Variants in FHOD3 observed in about 807,000 individuals in gnomAD.
FHOD3 encodes formin homology 2 domain containing 3.
A neutral mutation model predicts 173.0 loss-of-function variants in FHOD3; 90 were observed. The ratio of observed to expected loss-of-function variants is 0.52; its 90% CI spans 0.44 to 0.62. The LOEUF is 0.62. FHOD3 is among the 20% of genes least tolerant of loss of function. The probability of loss-of-function intolerance (pLI) is 0.00; values close to 1 mark genes in which losing one functional copy is unlikely to be tolerated. For synonymous variants in FHOD3, 828 were observed against 823.0 expected, an observed-to-expected ratio of 1.01 and a Z score of -0.10; for missense variants, 1,945 against 2,034.7, an observed-to-expected ratio of 0.96 and a Z score of 0.85.
chr18:36,752,786 T>A (rs1159550391), intron 24 of FHOD3, among the ~76,000 whole-genome samples: 1 of 152,222 alleles, frequency 6.6e-6, no homozygotes, highest in Non-Finnish European at 1.5e-5. Context: ...ATAAAGAATC[T>A]TGGGTTGTAC....
chr18:36,392,160 A>G (rs754220887), intron 3 of FHOD3, among the ~76,000 whole-genome samples: 31 of 152,002 alleles, frequency 2.0e-4, no homozygotes, highest in South Asian at 4.2e-4. Context: ...CCATTTTCTT[A>G]CCTGTAAAAT....
chr18:36,628,060 T>G (rs1317434751), intron 10 of FHOD3, among the ~76,000 whole-genome samples: 1 of 152,172 alleles, frequency 6.6e-6, no homozygotes, highest in Non-Finnish European at 1.5e-5. Flanking sequence ...ATGCCAACTT[T>G]TGTAAAGAAG....
chr18:36,657,898 A>C (rs2036526661), intron 13 of FHOD3, among the ~76,000 whole-genome samples, 177 bp from the exon 14 acceptor site: 1 of 152,212 alleles, frequency 6.6e-6, no homozygotes, highest in African/African-American at 2.4e-5. Context: ...CTCTTATGAG[A>C]AATTATCAGA....
chr18:36,399,922 C>T (rs952715781), intron 3 of FHOD3, among the ~76,000 whole-genome samples: 2 of 152,156 alleles, frequency 1.3e-5, no homozygotes, highest in Non-Finnish European at 2.9e-5. Flanking sequence ...CCTGAGGGTT[C>T]AGGCAGAATT....
At chr18:36,399,726 A>G (rs1382656390) in intron 3 of FHOD3, among the ~76,000 whole-genome samples, 1 of 152,200 alleles carries the variant, frequency 6.6e-6, no homozygotes, top group Non-Finnish European at 1.5e-5. Context: ...CTGCTGCAGA[A>G]GGCTCATTTG....
rs1248111263 is a variant in FHOD3, at chr18:36,379,622, G to C, written c.337+6878G>C. Among the ~76,000 whole-genome samples the C allele has an allele frequency of 2.0e-5, 3 of 152,210 alleles. No individual in the cohort carries two copies. The East Asian group carries it at 5.8e-4, about 29-fold the overall frequency. Reference sequence around the variant, plus strand: ...GCCTGTAGCATGTGTTACCAGATAAGTTTAAATCACGTGCTGGCAGTTAGA... The same window carrying C: ...GCCTGTAGCATGTGTTACCAGATAACTTTAAATCACGTGCTGGCAGTTAGA... On this transcript the variant is annotated intron_variant, in intron 3 of 28. Transcript: ENST00000590592.
intron 2 of FHOD3, among the ~76,000 whole-genome samples, chr18:36,366,927 A>G (rs933386525): frequency 3.9e-5 from 6 of 152,226 alleles, no homozygotes; most frequent in African/African-American, 1.4e-4. Context: ...GTGGAGGAGT[A>G]CTTGGGAGCA....
intron 3 of FHOD3, among the ~76,000 whole-genome samples, chr18:36,496,454 C>G (rs1367674541): frequency 1.3e-5 from 2 of 152,196 alleles, no homozygotes; most frequent in East Asian, 3.9e-4. Context: ...ACTGAGGTGT[C>G]TCTTAAAATG....
At chr18:36,384,689 A>C (rs1297931722) in intron 3 of FHOD3, among the ~76,000 whole-genome samples, 4 of 152,224 alleles carry the variant, frequency 2.6e-5, no homozygotes, top group Non-Finnish European at 5.9e-5. Flanking sequence ...ATAAGCCAAT[A>C]TGTGTTTTAG....
chr18:36,525,806 G>A (rs569258424), intron 5 of FHOD3, among the ~76,000 whole-genome samples: 1 of 152,260 alleles, frequency 6.6e-6, no homozygotes, highest in South Asian at 2.1e-4. Context: ...TCTCATGTGG[G>A]TCTCCCAACT....
intron 28 of FHOD3, chr18:36,777,732 A>T (rs502193): frequency 1.3e-5 from 2 of 152,140 alleles, no homozygotes; most frequent in African/African-American, 4.8e-5. Context: ...GCTGAGACTT[A>T]GGAGCCAAAC....
chr18:36,314,335 A>G (rs2092318299), intron 1 of FHOD3, among the ~76,000 whole-genome samples: 1 of 152,202 alleles, frequency 6.6e-6, no homozygotes, highest in Non-Finnish European at 1.5e-5. Flanking sequence ...CTCAATCCCC[A>G]TGGGATACAA....
chr18:36,715,243 C>T (rs570862985), intron 18 of FHOD3, among the ~76,000 whole-genome samples: 8 of 152,208 alleles, frequency 5.3e-5, no homozygotes, highest in Non-Finnish European at 1.0e-4. Context: ...TTCCCCCATC[C>T]TGTTCTCATG....
intron 1 of FHOD3, among the ~76,000 whole-genome samples, chr18:36,329,237 C>T (rs1372936614): frequency 3.3e-5 from 5 of 152,158 alleles, no homozygotes; most frequent in Non-Finnish European, 5.9e-5. Context: ...GGTATATCTG[C>T]ACCACCCACA....
intron 24 of FHOD3, among the ~76,000 whole-genome samples, chr18:36,752,463 T>A (rs1233952770): frequency 6.6e-6 from 1 of 152,222 alleles, no homozygotes; most frequent in Non-Finnish European, 1.5e-5. Context: ...GACTTGTGCT[T>A]TGGCTTACTG....
chr18:36,718,255 A>G lies in FHOD3; in HGVS notation c.2957A>G (p.Asn986Ser). ...TACATCTGGGACCAGCTCATGGCCA[A>G]TCCAAGAGAGCTCAGAATCCAAGAC... Reference protein sequence around the residue: ...SDYIWDQLMANPRELRIQDMD... With the variant: ...SDYIWDQLMASPRELRIQDMD... The change falls in exon 19 of 29, where the codon AAT (asparagine) becomes AGT (serine). Residue 986 changes from asparagine (N) to serine (S), a missense_variant. Asn to Ser is a conservative substitution (Grantham distance 46). Transcript: ENST00000590592. The G allele has an allele frequency of 2.5e-6, 4 of 1,614,122 alleles. No homozygotes were observed. Among genetic ancestry groups the G allele is most frequent in the Non-Finnish European group, 3.4e-6 (4 of 1,180,028 alleles).
chr18:36,500,326 C>G (rs2054965688), intron 3 of FHOD3, among the ~76,000 whole-genome samples: 1 of 152,202 alleles, frequency 6.6e-6, no homozygotes, highest in African/African-American at 2.4e-5. Context: ...TTAAATCTCT[C>G]TCAGTGGGGG....
At chr18:36,626,887 A>G (rs2034151231) in intron 10 of FHOD3, among the ~76,000 whole-genome samples, 1 of 152,182 alleles carries the variant, frequency 6.6e-6, no homozygotes, top group Non-Finnish European at 1.5e-5. Context: ...GAATCATTTG[A>G]GCAGGACCCA....
At chr18:36,316,776 G>A (rs138709837) in intron 1 of FHOD3, among the ~76,000 whole-genome samples, 6,051 of 152,070 alleles carry the variant, frequency 0.04, 374 homozygotes, top group African/African-American at 0.14. Flanking sequence ...ACAATGTGCA[G>A]GTTTGTTACA....
Sources: allele counts gnomAD v4.1 joint callset (sites outside exome capture counted in the v4.1 genomes callset), GRCh38; gene constraint gnomAD v4.1.1; transcripts MANE v1.5; gene names NCBI Gene and HGNC (gene_info 2026-07-23, HGNC 2026-07-21).